HMCN1: variants seen among roughly 807,000 people sequenced by gnomAD.
The protein encoded by HMCN1 is hemicentin-1.
In HMCN1, 321 loss-of-function variants were observed where a neutral mutation model predicts 625.9. The ratio of observed to expected loss-of-function variants is 0.51; its 90% CI spans 0.47 to 0.56. The LOEUF (loss-of-function observed/expected upper bound fraction) is 0.56, where lower values mean the gene tolerates loss of function less well. Among genes scored for constraint, HMCN1 ranks in the 20% least tolerant of loss-of-function variants. HMCN1 has a pLI of 0.00. For synonymous variants in HMCN1, 2,425 were observed against 2,417.6 expected, an observed-to-expected ratio of 1.00 and a Z score of -0.09; for missense variants, 6,588 against 6,887.3, an observed-to-expected ratio of 0.96 and a Z score of 1.54.
intron 1 of HMCN1, among the ~76,000 whole-genome samples, chr1:185,820,718 C>T (rs184817795): frequency 7.0e-4 from 107 of 152,100 alleles, no homozygotes; most frequent in Admixed American, 2.8e-3. Flanking sequence ...GAAGGCCATT[C>T]GCTAAAAGCA....
Position 186,019,697 on chromosome 1 carries a change from T to G in HMCN1, c.5625+2T>G. 6.2e-7 allele frequency: 1 copy of G among 1,609,636 alleles called. No homozygotes were observed. The highest frequency in any genetic ancestry group is 8.5e-7 in the Non-Finnish European group (1 of 1,176,440). The stretch of plus-strand genomic sequence containing the variant: ...AACACTGCCCAAGGAAACCTTAAAG[T>G]AAGTGTAAATATTACTCAGCCTAAA... On this transcript the variant is annotated splice_donor_variant, in intron 35 of 106. Coordinates refer to ENST00000271588, the MANE Select transcript of HMCN1 (RefSeq NM_031935.3). LOFTEE classifies it high-confidence loss of function.
chr1:185,777,873 C>T (rs1227914623), intron 1 of HMCN1, among the ~76,000 whole-genome samples: 2 of 152,210 alleles, frequency 1.3e-5, no homozygotes, highest in African/African-American at 4.8e-5. Context: ...ATGCTCTTAA[C>T]TGCCTTTCCA....
At chr1:186,145,634 G>A in intron 92 of HMCN1, 61 bp downstream of exon 92, 1 of 1,609,288 alleles carries the variant, frequency 6.2e-7, no homozygotes, top group South Asian at 1.1e-5. Context: ...GCTCATTGTA[G>A]CAGGCCTATT....
chr1:186,181,355 A>G (rs1170011734), intron 104 of HMCN1, among the ~76,000 whole-genome samples: 2 of 152,110 alleles, frequency 1.3e-5, no homozygotes, highest in Non-Finnish European at 2.9e-5. Context: ...GCAAATATCA[A>G]TTAATTTTGA....
At chr1:186,145,616 C>A in intron 92 of HMCN1, 43 bp downstream of exon 92, 2 of 1,611,352 alleles carry the variant, frequency 1.2e-6, no homozygotes, top group South Asian at 1.1e-5. Context: ...TAAAGCATTT[C>A]ATTTAGTGCT....
At chr1:186,100,895 C>G (rs779560606) in intron 68 of HMCN1, among the ~76,000 whole-genome samples, 1 of 152,096 alleles carries the variant, frequency 6.6e-6, no homozygotes, top group Non-Finnish European at 1.5e-5. Context: ...AGATGCTGTT[C>G]TAGATGCAAC....
At chr1:186,002,909 T>C (rs957389759) in intron 28 of HMCN1, among the ~76,000 whole-genome samples, 1 of 152,174 alleles carries the variant, frequency 6.6e-6, no homozygotes, top group Non-Finnish European at 1.5e-5. Flanking sequence ...TTTCCTGTTA[T>C]GTCTACTTCC....
At chr1:186,064,641 C>G (rs1295180345) in intron 48 of HMCN1, among the ~76,000 whole-genome samples, 1 of 151,764 alleles carries the variant, frequency 6.6e-6, no homozygotes, top group Admixed American at 6.6e-5. Flanking sequence ...AACCCCGTCT[C>G]TACTAAAAAT....
At chr1:186,076,226 T>C (rs1285222797) in intron 53 of HMCN1, among the ~76,000 whole-genome samples, 3 of 152,156 alleles carry the variant, frequency 2.0e-5, no homozygotes, top group Admixed American at 1.3e-4. Flanking sequence ...TCATACTTCT[T>C]GTTCTTCCAC....
intron 1 of HMCN1, among the ~76,000 whole-genome samples, chr1:185,838,292 C>CT (rs1661290002): frequency 6.6e-6 from 1 of 152,150 alleles, no homozygotes; most frequent in South Asian, 2.1e-4. Flanking sequence ...AGCCTCAGCG[C>CT]TGAGGTGTGC....
chr1:186,184,231 A>G (rs1653133988), intron 105 of HMCN1, among the ~76,000 whole-genome samples: 1 of 152,204 alleles, frequency 6.6e-6, no homozygotes, highest in African/African-American at 2.4e-5. Context: ...GACTTGAGAG[A>G]AAACAATTAT....
At chr1:185,756,863 A>G (rs1655165533) in intron 1 of HMCN1, among the ~76,000 whole-genome samples, 1 of 152,010 alleles carries the variant, frequency 6.6e-6, no homozygotes, top group African/African-American at 2.4e-5. Flanking sequence ...TTCTATGATA[A>G]CTTTCCACCT....
chr1:185,863,910 T>C (rs1663021524), intron 2 of HMCN1, among the ~76,000 whole-genome samples: 1 of 152,166 alleles, frequency 6.6e-6, no homozygotes, highest in African/African-American at 2.4e-5. Context: ...AGACATGCCA[T>C]GCTGGAATGA....
chr1:186,090,398 G>T (rs1442113704), intron 63 of HMCN1, among the ~76,000 whole-genome samples: 1 of 151,852 alleles, frequency 6.6e-6, no homozygotes, highest in Non-Finnish European at 1.5e-5. Context: ...AAGAGCAAAA[G>T]AAAAACACAA....
At chr1:185,916,862 G>C (rs1346664478) in intron 6 of HMCN1, among the ~76,000 whole-genome samples, 1 of 152,066 alleles carries the variant, frequency 6.6e-6, no homozygotes, top group Non-Finnish European at 1.5e-5. Flanking sequence ...TGGAGGCTCT[G>C]CCATAATTTA....
intron 55 of HMCN1, among the ~76,000 whole-genome samples, chr1:186,079,934 A>G (rs1000165049): frequency 1.3e-5 from 2 of 152,036 alleles, no homozygotes; most frequent in African/African-American, 4.8e-5. Flanking sequence ...GTAACCCACT[A>G]GTAGGGTGTG....
chr1:185,995,606 C>G (rs1558127334), intron 24 of HMCN1, among the ~76,000 whole-genome samples: 1 of 152,152 alleles, frequency 6.6e-6, no homozygotes, highest in Non-Finnish European at 1.5e-5. Flanking sequence ...GGCAAAACCC[C>G]TGCTTTCATG....
chr1:186,047,664 C>G (rs928547478), intron 41 of HMCN1, among the ~76,000 whole-genome samples: 1 of 152,088 alleles, frequency 6.6e-6, no homozygotes, highest in African/African-American at 2.4e-5. Flanking sequence ...TGCATACTGA[C>G]TTTAAGAACT....
At chr1:186,145,199 C>T (rs1336503781) in intron 91 of HMCN1, among the ~76,000 whole-genome samples, 1 of 152,260 alleles carries the variant, frequency 6.6e-6, no homozygotes, top group East Asian at 1.9e-4. Context: ...TTGAATCACA[C>T]AAATACAGGA....
Sources: gnomAD v4.1 joint callset for allele counts (sites outside exome capture counted in the v4.1 genomes callset) on GRCh38, gnomAD v4.1.1 for gene constraint, MANE v1.5 for transcripts, NCBI Gene and HGNC (gene_info 2026-07-23, HGNC 2026-07-21) for gene names.